The following TCF4 variants were observed in gnomAD, a reference collection of about 807,000 sequenced individuals.
The protein encoded by TCF4 is transcription factor 4, also known as SL3-3 enhancer factor 2.
Under a neutral mutation model 82.1 loss-of-function variants are expected in TCF4, and 3 were observed. The observed-to-expected ratio is 0.04, with a 90% CI of 0.02 to 0.09. The LOEUF (loss-of-function observed/expected upper bound fraction) is 0.09, where lower values mean the gene tolerates loss of function less well. TCF4 is among the 10% of genes least tolerant of loss of function. The pLI is 1.00. For synonymous variants in TCF4, 276 were observed against 309.6 expected (o/e 0.89, Z 1.14); for missense variants, 518 against 852.7 (o/e 0.61, Z 4.89).
chr18:55,275,934 A>T lies in TCF4; in HGVS notation c.656-182T>A, dbSNP rs180922745. On this transcript the variant is annotated intron_variant, in intron 9 of 19. Transcript: ENST00000354452. The stretch of plus-strand genomic sequence containing the variant: ...AGTGGCTCTATATTGTCAAACAAAT[A>T]TAAACACTTAAAAAAGTTAAAGTGT... Among the ~76,000 whole-genome samples the T allele has an allele frequency of 2.7e-3, 409 of 152,370 alleles. 3 individuals are homozygous for T. The highest frequency in any genetic ancestry group is 5.0e-3 in the Non-Finnish European group (339 of 68,042).
chr18:55,424,400 G>C (rs2094898792), intron 5 of TCF4, among the ~76,000 whole-genome samples: 1 of 152,014 alleles, frequency 6.6e-6, no homozygotes, highest in South Asian at 2.1e-4. Flanking sequence ...CATTTGTAAG[G>C]GTCACAAGCT....
intron 3 of TCF4, among the ~76,000 whole-genome samples, chr18:55,521,242 T>C (rs142444914): frequency 3.3e-5 from 5 of 152,310 alleles, no homozygotes; most frequent in African/African-American, 1.2e-4. Flanking sequence ...AGTAGGAGTA[T>C]TTTTAGCATG....
At chr18:55,511,634 T>C (rs903670279) in intron 3 of TCF4, among the ~76,000 whole-genome samples, 3 of 152,248 alleles carry the variant, frequency 2.0e-5, no homozygotes, top group African/African-American at 7.2e-5. Context: ...TCTAAATAAA[T>C]ATTTTTTTCA....
intron 2 of TCF4, among the ~76,000 whole-genome samples, chr18:55,621,313 T>C (rs1428894735): frequency 6.8e-6 from 1 of 148,130 alleles, no homozygotes; most frequent in Non-Finnish European, 1.5e-5. Flanking sequence ...CTCAAAAAGA[T>C]TAGAAAATAT....
chr18:55,498,888 GTACCCCTTAAAA>G (rs1211504104), intron 3 of TCF4, among the ~76,000 whole-genome samples: 8 of 152,114 alleles, frequency 5.3e-5, no homozygotes, highest in Non-Finnish European at 1.2e-4. Flanking sequence ...TTATTTGTAA[GTACCCCTTAAAA>G]TACCCCTTAA....
At chr18:55,422,995 A>G (rs2094831483) in intron 5 of TCF4, among the ~76,000 whole-genome samples, 1 of 151,906 alleles carries the variant, frequency 6.6e-6, no homozygotes, top group South Asian at 2.1e-4. Flanking sequence ...ACACACACAC[A>G]CACACGCACA....
At chr18:55,623,641 G>C (rs1356476706) in intron 2 of TCF4, among the ~76,000 whole-genome samples, 1 of 152,104 alleles carries the variant, frequency 6.6e-6, no homozygotes, top group Non-Finnish European at 1.5e-5. Flanking sequence ...TTTGGTAGTG[G>C]ATCGATATTT....
chr18:55,617,811 C>G lies in TCF4; in HGVS notation c.286+13487G>C, dbSNP rs1188071712. Among the ~76,000 whole-genome samples the G allele has an allele frequency of 6.4e-5, 9 of 140,610 alleles. No homozygotes were observed. The South Asian group carries it at 7.3e-4, about 11-fold the overall frequency. The allele number at this position is 140,610 out of a possible 152,430, so 92.2% of individuals were successfully genotyped here. A position where few individuals can be genotyped will look rare whatever the true frequency, so the allele number is the denominator to read the frequency against. On this transcript the variant is annotated intron_variant, in intron 2 of 20. Transcript: ENST00000398339. ...ACTTTAGTGAATTCATTAATTCTAA[C>G]TGTGTGTGTGTGTGTGTGTGTGTGT... is the stretch of plus-strand genomic sequence containing the variant.
intron 6 of TCF4, among the ~76,000 whole-genome samples, chr18:55,386,210 C>T (rs1278107168): frequency 2.0e-5 from 3 of 152,180 alleles, no homozygotes; most frequent in Non-Finnish European, 4.4e-5. Flanking sequence ...TGCCAGAATG[C>T]CAGGCCAATC....
intron 5 of TCF4, among the ~76,000 whole-genome samples, chr18:55,429,354 C>CTTAGG (rs2095103407): frequency 3.3e-5 from 5 of 152,328 alleles, no homozygotes; most frequent in Admixed American, 2.0e-4. Flanking sequence ...GACTATACTT[C>CTTAGG]ACACCTGGCT....
chr18:55,443,308 T>C (rs2095473102), intron 5 of TCF4, among the ~76,000 whole-genome samples: 1 of 152,190 alleles, frequency 6.6e-6, no homozygotes, highest in East Asian at 1.9e-4. Context: ...ACAAGAATCA[T>C]GTTCCTGAAA....
intron 9 of TCF4, among the ~76,000 whole-genome samples, chr18:55,276,376 C>A (rs2061501835): frequency 6.6e-6 from 1 of 152,148 alleles, no homozygotes; most frequent in African/African-American, 2.4e-5. Context: ...CAGTAGCAAT[C>A]CAAAGGGTAC....
chr18:55,580,040 T>A (rs1477295003), intron 3 of TCF4, among the ~76,000 whole-genome samples: 1 of 152,020 alleles, frequency 6.6e-6, no homozygotes, highest in African/African-American at 2.4e-5. Context: ...CTCATTACAA[T>A]AGTAGGGTAA....
At chr18:55,532,007 T>C (rs2097069204) in intron 3 of TCF4, among the ~76,000 whole-genome samples, 1 of 152,240 alleles carries the variant, frequency 6.6e-6, no homozygotes, top group Non-Finnish European at 1.5e-5. Flanking sequence ...ACCAAATTTG[T>C]ATTTCATTGA....
At chr18:55,452,465 C>T (rs2095644304) in intron 5 of TCF4, 1 of 152,346 alleles carries the variant, frequency 6.6e-6, no homozygotes, top group Non-Finnish European at 1.5e-5. Flanking sequence ...AGATCTTTGT[C>T]TGTCACTTGT....
At chr18:55,467,744 C>T (rs2096063283) in intron 3 of TCF4, among the ~76,000 whole-genome samples, 2 of 152,186 alleles carry the variant, frequency 1.3e-5, no homozygotes, top group African/African-American at 4.8e-5. Flanking sequence ...GGTACCAGGA[C>T]ACTGCACGGT....
At chr18:55,586,259 GA>G in intron 2 of TCF4, 1 of 938,364 alleles carries the variant, frequency 1.1e-6, no homozygotes, top group South Asian at 1.4e-5. Context: ...AGGCGGTTTG[GA>G]TTTTATTTGT....
chr18:55,446,498 C>G (rs2095527614), intron 5 of TCF4, among the ~76,000 whole-genome samples: 2 of 152,204 alleles, frequency 1.3e-5, no homozygotes, highest in Admixed American at 1.3e-4. Flanking sequence ...TTCAGCAGAT[C>G]TTGCTTCAAA....
At chr18:55,511,080 C>T (rs777945511) in intron 3 of TCF4, among the ~76,000 whole-genome samples, 6 of 152,006 alleles carry the variant, frequency 3.9e-5, no homozygotes, top group South Asian at 4.2e-4. Flanking sequence ...GGCAAACTGT[C>T]GTCATTTCTT....
Sources: gnomAD v4.1 joint callset for allele counts (sites outside exome capture counted in the v4.1 genomes callset) on GRCh38, gnomAD v4.1.1 for gene constraint, MANE v1.5 for transcripts, NCBI Gene and HGNC (gene_info 2026-07-23, HGNC 2026-07-21) for gene names.